CFTR: variants seen among roughly 807,000 people sequenced by gnomAD.
CFTR encodes cystic fibrosis transmembrane conductance regulator.
A neutral mutation model predicts 171.6 loss-of-function variants in CFTR; 181 were observed. The observed-to-expected ratio is 1.05, with a 90% CI of 0.93 to 1.19. The LOEUF is 1.19. Ranked by LOEUF, CFTR falls within the 50% of genes most tolerant of loss-of-function variation. The pLI, the probability that CFTR is intolerant of heterozygous loss-of-function variation, is 0.00. For synonymous variants in CFTR, 583 were observed against 608.0 expected (o/e 0.96, Z 0.60); for missense variants, 1,968 against 1,734.7 (o/e 1.13, Z -2.39).
chr7:117,649,975 G>A (rs1241713460), intron 23 of CFTR, among the ~76,000 whole-genome samples: 2 of 152,070 alleles, frequency 1.3e-5, no homozygotes, highest in African/African-American at 2.4e-5. Flanking sequence ...GGAATCCAAT[G>A]TGTGAAGAAG....
At chr7:117,540,465 A>C in intron 8 of CFTR, 119 bp downstream of exon 8, 1 of 887,100 alleles carries the variant, frequency 1.1e-6, no homozygotes. Flanking sequence ...CTTCACTAGG[A>C]AGTTATAAAA....
chr7:117,513,982 A>G (rs1374030866), intron 3 of CFTR, among the ~76,000 whole-genome samples: 1 of 152,192 alleles, frequency 6.6e-6, no homozygotes, highest in East Asian at 1.9e-4. Context: ...AATGTAATTT[A>G]ATTGGTCTGG....
In CFTR at chr7:117,592,193, C is replaced by G. The variant is rs762888022; in HGVS notation, c.2026C>G (p.Pro676Ala). Residue 676 changes from proline to alanine, a missense_variant, in exon 14 of 27, where the codon CCT becomes GCT. Coordinates refer to ENST00000003084, the MANE Select transcript of CFTR (RefSeq NM_000492.4). ...CCGTTTCTCATTAGAAGGAGATGCT[C>G]CTGTCTCCTGGACAGAAACAAAAAA... Reference protein sequence around the residue: ...LHRFSLEGDAPVSWTETKKQS... With the variant: ...LHRFSLEGDAAVSWTETKKQS... 5 of 1,613,806 alleles carry G rather than the reference C, an allele frequency of 3.1e-6. No homozygotes were observed. The East Asian group carries it at 8.9e-5, about 29-fold the overall frequency.
At chr7:117,553,108 C>G (rs1273012609) in intron 10 of CFTR, among the ~76,000 whole-genome samples, 1 of 152,024 alleles carries the variant, frequency 6.6e-6, no homozygotes, top group East Asian at 1.9e-4. Context: ...TTAGCAGACC[C>G]AAATCTGCTG....
chr7:117,645,609 C>T (rs1462752366), intron 23 of CFTR, among the ~76,000 whole-genome samples: 2 of 151,920 alleles, frequency 1.3e-5, no homozygotes, highest in Non-Finnish European at 2.9e-5. Context: ...TTTTCCCTTG[C>T]ATCCCTCCAT....
chr7:117,496,570 C>T (rs1299285400), intron 1 of CFTR, among the ~76,000 whole-genome samples: 2 of 152,028 alleles, frequency 1.3e-5, no homozygotes, highest in Non-Finnish European at 1.5e-5. Flanking sequence ...TTATCCTTTC[C>T]CCAGTTAATA....
At chr7:117,629,118 G>A (rs1052706009) in intron 22 of CFTR, among the ~76,000 whole-genome samples, 9 of 152,128 alleles carry the variant, frequency 5.9e-5, no homozygotes, top group African/African-American at 1.9e-4. Context: ...AGTAATTAGA[G>A]ATGTAGCAAA....
intron 1 of CFTR, among the ~76,000 whole-genome samples, chr7:117,494,249 T>A (rs1474302126): frequency 6.8e-6 from 1 of 146,336 alleles, no homozygotes; most frequent in East Asian, 1.9e-4. Flanking sequence ...TACACAGTAT[T>A]TTTTTTTTAA....
chr7:117,649,521 T>TA (rs1793056340), intron 23 of CFTR, among the ~76,000 whole-genome samples: 1 of 146,208 alleles, frequency 6.8e-6, no homozygotes, highest in East Asian at 2.0e-4. Context: ...ATATATATAT[T>TA]TTTTTTTTCC....
At chr7:117,633,166 T>A (rs949462953) in intron 22 of CFTR, among the ~76,000 whole-genome samples, 1 of 152,198 alleles carries the variant, frequency 6.6e-6, no homozygotes, top group African/African-American at 2.4e-5. Context: ...TTTCTCCATT[T>A]GTTTGATTCT....
At chr7:117,641,377 T>C (rs1429928015) in intron 22 of CFTR, among the ~76,000 whole-genome samples, 1 of 152,204 alleles carries the variant, frequency 6.6e-6, no homozygotes, top group African/African-American at 2.4e-5. Flanking sequence ...TTTTATTATA[T>C]ATTTTTGAAG....
chr7:117,484,923 T>C (rs1191404154), intron 1 of CFTR, among the ~76,000 whole-genome samples: 1 of 152,106 alleles, frequency 6.6e-6, no homozygotes, highest in African/African-American at 2.4e-5. Context: ...AAGAGAGAAG[T>C]GGAATCTATT....
chr7:117,516,822 C>G (rs1798602382), intron 3 of CFTR, among the ~76,000 whole-genome samples: 1 of 152,128 alleles, frequency 6.6e-6, no homozygotes, highest in African/African-American at 2.4e-5. Flanking sequence ...TCCAATGACA[C>G]TCTTTAAGTT....
chr7:117,622,250 G>A (rs213988), intron 21 of CFTR, among the ~76,000 whole-genome samples: 28,431 of 152,100 alleles, frequency 0.19, 2,844 homozygotes, highest in Non-Finnish European at 0.2. Context: ...AGTAATAGAT[G>A]TGGAAACATA....
At chr7:117,485,016 C>G (rs1399813086) in intron 1 of CFTR, among the ~76,000 whole-genome samples, 5 of 152,086 alleles carry the variant, frequency 3.3e-5, no homozygotes, top group African/African-American at 1.2e-4. Flanking sequence ...CTAGGGAAAT[C>G]ACGGTTTTCC....
intron 13 of CFTR, among the ~76,000 whole-genome samples, chr7:117,590,778 G>T (rs1439263172): frequency 1.3e-5 from 2 of 151,818 alleles, no homozygotes; most frequent in Non-Finnish European, 2.9e-5. Context: ...TTTACTTTTT[G>T]TGTTAGTATT....
At chr7:117,590,533 A>G in intron 13 of CFTR, 94 bp downstream of exon 13, 2 of 1,434,760 alleles carry the variant, frequency 1.4e-6, no homozygotes, top group South Asian at 2.5e-5. Context: ...CTCTTGAGAA[A>G]TATGTTCACC....
intron 3 of CFTR, among the ~76,000 whole-genome samples, chr7:117,512,754 C>A (rs1798539679): frequency 6.6e-6 from 1 of 151,598 alleles, no homozygotes; most frequent in South Asian, 2.1e-4. Context: ...CTCTCACAAG[C>A]AGATTGGTGA....
At chr7:117,543,371 G>A (rs538758263) in intron 9 of CFTR, among the ~76,000 whole-genome samples, 1 of 152,182 alleles carries the variant, frequency 6.6e-6, no homozygotes, top group African/African-American at 2.4e-5. Flanking sequence ...TCGGCATGAA[G>A]GAAAAATATG....
Sources: allele counts gnomAD v4.1 joint callset (sites outside exome capture counted in the v4.1 genomes callset), GRCh38; gene constraint gnomAD v4.1.1; transcripts MANE v1.5; gene names NCBI Gene and HGNC (gene_info 2026-07-23, HGNC 2026-07-21).